AFG1L: variants seen among roughly 807,000 people sequenced by gnomAD.
AFG1L encodes AFG1-like ATPase.
A neutral mutation model predicts 62.2 loss-of-function variants in AFG1L; 53 were observed. That is an observed-to-expected ratio of 0.85 (90% confidence interval 0.68 to 1.07). The LOEUF is 1.07. Among genes scored for constraint, AFG1L ranks in the 50% least tolerant of loss-of-function variants. The probability of loss-of-function intolerance (pLI) is 0.00; values close to 1 mark genes in which losing one functional copy is unlikely to be tolerated. For synonymous variants in AFG1L, 228 were observed against 210.3 expected (o/e 1.08, Z -0.73); for missense variants, 555 against 590.5 (o/e 0.94, Z 0.62).
Position 108,524,228 on chromosome 6 carries a change from G to A in AFG1L, c.*1803G>A, listed in dbSNP as rs1775239281. 1 of 152,154 alleles carries A rather than the reference G, an allele frequency of 6.6e-6. No individual in the cohort carries two copies. The highest frequency in any genetic ancestry group is 2.4e-5 in the African/African-American group (1 of 41,424). 9.4% of individuals were successfully genotyped at this position (152,154 alleles called of 1,614,324 possible). Reference sequence around the variant, plus strand: ...GATTTGAACTCAGTGAATATAAAATGTTTAACTTTATTCTTTAGATCTTAG... The same window carrying A: ...GATTTGAACTCAGTGAATATAAAATATTTAACTTTATTCTTTAGATCTTAG... On this transcript the variant is annotated 3_prime_UTR_variant, in exon 13 of 13. Transcript: ENST00000368977.
At chr6:108,447,373 A>T in intron 8 of AFG1L, 77 bp downstream of exon 8, 1 of 855,324 alleles carries the variant, frequency 1.2e-6, no homozygotes, top group Non-Finnish European at 1.9e-6. Flanking sequence ...CAGTTTAATT[A>T]TTGGAACGTG....
intron 7 of AFG1L, among the ~76,000 whole-genome samples, chr6:108,422,852 GT>G (rs1411252137): frequency 6.6e-6 from 1 of 151,940 alleles, no homozygotes; most frequent in Admixed American, 6.6e-5. Flanking sequence ...TTACTATGAC[GT>G]TTTGATTCTG....
At chr6:108,519,965 A>G (rs998814067) in intron 12 of AFG1L, 155 bp downstream of exon 12, 14 of 478,980 alleles carry the variant, frequency 2.9e-5, no homozygotes, top group Middle Eastern at 5.5e-4. Context: ...ATCATTCTCA[A>G]TATCACTGAA....
chr6:108,321,136 G>C (rs999272228), intron 1 of AFG1L, among the ~76,000 whole-genome samples: 1 of 152,144 alleles, frequency 6.6e-6, no homozygotes, highest in Non-Finnish European at 1.5e-5. Flanking sequence ...TCACATGCCA[G>C]CTGCAAATGG....
At chr6:108,472,815 T>C (rs1582635514) in intron 8 of AFG1L, among the ~76,000 whole-genome samples, 1 of 151,330 alleles carries the variant, frequency 6.6e-6, no homozygotes, top group East Asian at 1.9e-4. Context: ...CTTTTCTTTT[T>C]TTTTTTGAGT....
intron 7 of AFG1L, among the ~76,000 whole-genome samples, chr6:108,436,888 GT>G (rs1215886237): frequency 1.3e-5 from 2 of 152,184 alleles, no homozygotes; most frequent in East Asian, 1.9e-4. Flanking sequence ...CTGGCACATG[GT>G]AAGCCCTTAT....
In AFG1L at chr6:108,477,189, T is replaced by G; in HGVS notation, c.962-3T>G. On this transcript the variant is annotated splice_region_variant and splice_polypyrimidine_tract_variant and intron_variant, in intron 9 of 12. Coordinates refer to ENST00000368977, the MANE Select transcript of AFG1L (RefSeq NM_145315.5). ...GATTGAGTCTTTGTTCATGTTCCCA[T>G]AGTAACTAGACCAAGGATTCTAAAA... The G allele has an allele frequency of 2.5e-6, 4 of 1,574,836 alleles. No homozygotes were observed. The highest frequency in any genetic ancestry group is 3.5e-6 in the Non-Finnish European group (4 of 1,154,960).
chr6:108,422,712 C>T (rs1036999877), intron 7 of AFG1L, among the ~76,000 whole-genome samples: 4 of 151,874 alleles, frequency 2.6e-5, no homozygotes, highest in East Asian at 1.9e-4. Context: ...CTCAGGTTTC[C>T]GTCTAATTAA....
At chr6:108,380,206 A>C (rs770293834) in intron 6 of AFG1L, among the ~76,000 whole-genome samples, 1 of 151,352 alleles carries the variant, frequency 6.6e-6, no homozygotes, top group African/African-American at 2.4e-5. Context: ...CCCGGCAAAC[A>C]GGTGTTCTAA....
intron 8 of AFG1L, among the ~76,000 whole-genome samples, chr6:108,461,361 C>T (rs1384024105): frequency 3.3e-5 from 5 of 152,122 alleles, no homozygotes; most frequent in Non-Finnish European, 7.4e-5. Flanking sequence ...TGAGTAAAGC[C>T]CTGTTGTACA....
intron 2 of AFG1L, among the ~76,000 whole-genome samples, chr6:108,342,849 T>C (rs867724505): frequency 1.3e-5 from 2 of 152,140 alleles, no homozygotes; most frequent in African/African-American, 2.4e-5. Flanking sequence ...ACAGTATTCA[T>C]GTGATATGAG....
At chr6:108,334,606 C>A (rs1456404123) in intron 2 of AFG1L, among the ~76,000 whole-genome samples, 1 of 150,742 alleles carries the variant, frequency 6.6e-6, no homozygotes, top group Non-Finnish European at 1.5e-5. Flanking sequence ...TCCAGAAAGG[C>A]ATATGAAATA....
At chr6:108,332,264 A>G (rs1158737491) in intron 2 of AFG1L, among the ~76,000 whole-genome samples, 1 of 152,216 alleles carries the variant, frequency 6.6e-6, no homozygotes, top group Non-Finnish European at 1.5e-5. Flanking sequence ...GTCCTGCTTG[A>G]ACTTTACCTA....
chr6:108,491,922 G>C (rs527547740), intron 10 of AFG1L, among the ~76,000 whole-genome samples: 1 of 152,238 alleles, frequency 6.6e-6, no homozygotes, highest in Admixed American at 6.5e-5. Flanking sequence ...ATCCAAGCCT[G>C]AGAGAGTTCC....
At chr6:108,327,676 C>T (rs141872558) in intron 2 of AFG1L, among the ~76,000 whole-genome samples, 1 of 152,346 alleles carries the variant, frequency 6.6e-6, no homozygotes, top group East Asian at 1.9e-4. Context: ...AGAACTTCAA[C>T]ATATGAATTT....
chr6:108,338,825 C>T (rs1026667463), intron 2 of AFG1L, among the ~76,000 whole-genome samples: 13 of 152,138 alleles, frequency 8.5e-5, no homozygotes, highest in Admixed American at 3.9e-4. Flanking sequence ...ACAAAAGATG[C>T]GAGACCCCGT....
Position 108,462,989 on chromosome 6 carries a change from A to G in AFG1L, c.891-13876A>G, listed in dbSNP as rs540097111. On this transcript the variant is annotated intron_variant, in intron 8 of 12. Coordinates refer to ENST00000368977, the MANE Select transcript of AFG1L (RefSeq NM_145315.5). ...TTATTTGCTGTGTTCATTTTTAGCT[A>G]TTAAAACTCCCTGGCCTCAGCCGGG... 2.6e-5 allele frequency among the ~76,000 whole-genome samples: 4 copies of G among 152,268 alleles called. No individual in the cohort carries two copies. In the South Asian group the frequency reaches 8.3e-4, roughly 32 times the overall value.
intron 10 of AFG1L, among the ~76,000 whole-genome samples, chr6:108,496,635 A>C (rs905923739): frequency 2.0e-5 from 3 of 152,194 alleles, no homozygotes; most frequent in Non-Finnish European, 4.4e-5. Context: ...GGAATTAATA[A>C]AAATCTTTAA....
intron 1 of AFG1L, among the ~76,000 whole-genome samples, chr6:108,298,130 T>C (rs1311571841): frequency 1.3e-5 from 2 of 152,182 alleles, no homozygotes; most frequent in African/African-American, 4.8e-5. Flanking sequence ...AGTCACAAAC[T>C]TAACTGCTAT....
Sources: gnomAD v4.1 joint callset for allele counts (sites outside exome capture counted in the v4.1 genomes callset) on GRCh38, gnomAD v4.1.1 for gene constraint, MANE v1.5 for transcripts, NCBI Gene and HGNC (gene_info 2026-07-23, HGNC 2026-07-21) for gene names.